The following PPP1R1C variants were observed in gnomAD, a reference collection of about 807,000 sequenced individuals.
PPP1R1C encodes protein phosphatase 1 regulatory subunit 1C.
Under a neutral mutation model 17.4 loss-of-function variants are expected in PPP1R1C, and 15 were observed. The observed-to-expected ratio is 0.86, with a 90% CI of 0.58 to 1.33. The LOEUF (loss-of-function observed/expected upper bound fraction) is 1.33. Among genes scored for constraint, PPP1R1C ranks in the 40% most tolerant of loss-of-function variants. PPP1R1C has a pLI of 0.00. For synonymous variants in PPP1R1C, 35 were observed against 43.1 expected, an observed-to-expected ratio of 0.81 and a Z score of 0.73; for missense variants, 143 against 130.0, an observed-to-expected ratio of 1.10 and a Z score of -0.48.
At position 181,961,293 on chromosome 2, in the gene PPP1R1C, G is replaced by C; in HGVS notation, n.111+6659G>C. ...GGATGGTTTGCATGGAGTTGCTGTT[G>C]TCCAGGGCATCACCAAGATTGAAGT... On this transcript the variant is annotated intron_variant and non_coding_transcript_variant, in intron 1 of 5. Coordinates refer to the PPP1R1C transcript ENST00000464264. The surrounding 1 kb of genome is among the most constrained non-coding windows in gnomAD (Gnocchi z 5.8). 1 of 739,180 alleles carries C rather than the reference G, an allele frequency of 1.4e-6. No individual in the cohort carries two copies. The highest frequency in any genetic ancestry group is 2.4e-6 in the Non-Finnish European group (1 of 408,664). The allele number at this position is 739,180 out of a possible 1,614,324, so 45.8% of individuals were successfully genotyped here. A position where few individuals can be genotyped will look rare whatever the true frequency, so the allele number is the denominator to read the frequency against.
chr2:182,105,863 A>G (rs926417795), intron 4 of PPP1R1C, among the ~76,000 whole-genome samples: 3 of 152,212 alleles, frequency 2.0e-5, no homozygotes, highest in African/African-American at 7.2e-5. Context: ...TAGGGTTGCC[A>G]TCACAATGTG....
intron 4 of PPP1R1C, among the ~76,000 whole-genome samples, chr2:182,116,522 G>A (rs1373197750): frequency 6.6e-6 from 1 of 152,118 alleles, no homozygotes; most frequent in Non-Finnish European, 1.5e-5. Flanking sequence ...ATGAAAGCCT[G>A]AGGGAGCCTG....
In PPP1R1C at chr2:181,986,074, G is replaced by A. The variant is rs1471545419; in HGVS notation, c.-37G>A. 1.9e-6 allele frequency: 3 copies of A among 1,543,244 alleles called. No homozygotes were observed. Among genetic ancestry groups the A allele is most frequent in the Admixed American group, 3.3e-5 (2 of 59,894 alleles). On this transcript the variant is annotated 5_prime_UTR_variant, in exon 1 of 5. Coordinates refer to ENST00000682840, the MANE Select transcript of PPP1R1C (RefSeq NM_001080545.3). ...GACACCACTTAGGGTTAGTCTTTCT[G>A]AGCTCTTCACATCTCTGACTAATTA...
intron 4 of PPP1R1C, among the ~76,000 whole-genome samples, chr2:182,094,779 C>A (rs990982570): frequency 2.6e-5 from 4 of 152,196 alleles, no homozygotes; most frequent in Non-Finnish European, 5.9e-5. Context: ...ATAACTCCCA[C>A]ATGCTTAGTG....
At chr2:182,087,336 A>G (rs963556448) in intron 4 of PPP1R1C, among the ~76,000 whole-genome samples, 2 of 152,222 alleles carry the variant, frequency 1.3e-5, no homozygotes, top group Admixed American at 1.3e-4. Context: ...CTCTGCCTGA[A>G]GCACCTGGCT....
In PPP1R1C at chr2:181,985,905, A is replaced by G. The variant is rs1467990639; in HGVS notation, c.-206A>G. On this transcript the variant is annotated 5_prime_UTR_variant, in exon 1 of 5. Transcript: ENST00000682840. This position sits in a 1 kb window ranked among gnomAD's most constrained non-coding sequence, Gnocchi z 4.1. Reference sequence around the variant, plus strand: ...GGATCCAAGGGATTGGTGGGGGAACAGGCAAGCCAGGCATCACCGTGGATG... The same window carrying G: ...GGATCCAAGGGATTGGTGGGGGAACGGGCAAGCCAGGCATCACCGTGGATG... 5 of 599,386 alleles carry G rather than the reference A, an allele frequency of 8.3e-6. No individual in the cohort carries two copies. The Middle Eastern group carries it at 1.7e-3, about 209-fold the overall frequency. The allele number at this position is 599,386 out of a possible 1,614,324, so 37.1% of individuals were successfully genotyped here.
chr2:182,087,058 C>G (rs2125217937), intron 4 of PPP1R1C, among the ~76,000 whole-genome samples: 1 of 152,234 alleles, frequency 6.6e-6, no homozygotes, highest in Non-Finnish European at 1.5e-5. Flanking sequence ...TCCAAGCTAC[C>G]AGGAAATCCC....
At chr2:182,003,687 A>ATGTT in intron 2 of PPP1R1C, among the ~76,000 whole-genome samples, 1 of 149,616 alleles carries the variant, frequency 6.7e-6, no homozygotes, top group Non-Finnish European at 1.5e-5. Context: ...TTTTTGCTGG[A>ATGTT]TGTGTGTGTG....
chr2:182,070,118 C>T (rs1018155419), intron 4 of PPP1R1C, among the ~76,000 whole-genome samples: 5 of 152,258 alleles, frequency 3.3e-5, no homozygotes, highest in Non-Finnish European at 7.4e-5. Context: ...GGAGGAGACT[C>T]GCCACAGGCT....
intron 4 of PPP1R1C, 50 bp downstream of exon 4, chr2:182,063,841 G>A: frequency 7.1e-7 from 1 of 1,404,736 alleles, no homozygotes; most frequent in Non-Finnish European, 1.0e-6. Flanking sequence ...AATCATGGCT[G>A]GTCGGCCGTC....
chr2:182,115,191 A>C (rs948078395), intron 4 of PPP1R1C, among the ~76,000 whole-genome samples: 1 of 152,126 alleles, frequency 6.6e-6, no homozygotes, highest in Non-Finnish European at 1.5e-5. Flanking sequence ...ACTGTGTCTT[A>C]ATATTTCAGA....
chr2:181,975,521 A>G (rs1251398635), intron 2 of PPP1R1C, among the ~76,000 whole-genome samples: 2 of 152,076 alleles, frequency 1.3e-5, no homozygotes, highest in Non-Finnish European at 2.9e-5. Flanking sequence ...TATGTAAAAA[A>G]ATAAGAATAT....
At chr2:181,982,018 C>T (rs991383356), upstream of PPP1R1C, among the ~76,000 whole-genome samples, 10 of 152,096 alleles carry the variant, frequency 6.6e-5, no homozygotes, top group South Asian at 2.1e-4. Flanking sequence ...AACAAAGTCA[C>T]GTCTCATATA....
At chr2:182,102,554 G>C (rs1305685732) in intron 4 of PPP1R1C, among the ~76,000 whole-genome samples, 1 of 151,882 alleles carries the variant, frequency 6.6e-6, no homozygotes, top group Admixed American at 6.6e-5. Context: ...AATTACTTTG[G>C]GAAAAAAATT....
chr2:182,003,661 T>C (rs1685835414), intron 2 of PPP1R1C, among the ~76,000 whole-genome samples: 1 of 149,126 alleles, frequency 6.7e-6, no homozygotes, highest in Non-Finnish European at 1.5e-5. Flanking sequence ...ATAAACTCAA[T>C]AGTCAGCCTC....
At chr2:182,068,512 C>T (rs1688055434) in intron 4 of PPP1R1C, among the ~76,000 whole-genome samples, 1 of 152,134 alleles carries the variant, frequency 6.6e-6, no homozygotes, top group Non-Finnish European at 1.5e-5. Flanking sequence ...TGGATTACCA[C>T]GCTTGCAACA....
chr2:182,115,853 T>A (rs1308208169), intron 4 of PPP1R1C, among the ~76,000 whole-genome samples: 1 of 152,326 alleles, frequency 6.6e-6, no homozygotes, highest in South Asian at 2.1e-4. Flanking sequence ...ACTCTTTGTT[T>A]TATAGCAAAC....
At chr2:181,982,736 C>G (rs142214075), upstream of PPP1R1C, among the ~76,000 whole-genome samples, 7 of 151,966 alleles carry the variant, frequency 4.6e-5, no homozygotes, top group South Asian at 2.1e-4. Flanking sequence ...AGGTGAACTG[C>G]GGCAGCCTGT....
At chr2:182,042,298 A>G (rs1473493255) in intron 2 of PPP1R1C, among the ~76,000 whole-genome samples, 1 of 152,226 alleles carries the variant, frequency 6.6e-6, no homozygotes, top group Non-Finnish European at 1.5e-5. Context: ...AAAATGAGTG[A>G]CTTAAAGTCT....
Sources: gnomAD v4.1 joint callset for allele counts (sites outside exome capture counted in the v4.1 genomes callset) on GRCh38, gnomAD v4.1.1 for gene constraint, Gnocchi (gnomAD v3.1) non-coding constraint, MANE v1.5 for transcripts, NCBI Gene and HGNC (gene_info 2026-07-23, HGNC 2026-07-21) for gene names.